Variants in STOX2 observed in about 807,000 individuals in gnomAD.
The protein encoded by STOX2 is storkhead-box protein 2.
In STOX2, 28 loss-of-function variants were observed where a neutral mutation model predicts 60.9. That is an observed-to-expected ratio of 0.46 (90% CI 0.34 to 0.63). The LOEUF is 0.63. Ranked by LOEUF, STOX2 falls within the 30% of genes least tolerant of loss-of-function variation. STOX2 has a pLI of 0.01. For synonymous variants in STOX2, 472 were observed against 463.9 expected, an observed-to-expected ratio of 1.02 and a Z score of -0.22; for missense variants, 1,024 against 1,187.7, an observed-to-expected ratio of 0.86 and a Z score of 2.03.
At chr4:183,808,171 C>G (rs1200285188) in intron 1 of STOX2, among the ~76,000 whole-genome samples, 1 of 152,246 alleles carries the variant, frequency 6.6e-6, no homozygotes, top group Admixed American at 6.5e-5. Context: ...GAGGATACAG[C>G]TCAGTGAACT....
At position 184,021,406 on chromosome 4, in the gene STOX2, GA is replaced by G. The variant is rs1443403180; in HGVS notation, c.*4126del. On this transcript the variant is annotated 3_prime_UTR_variant, in exon 4 of 4. Transcript: ENST00000308497. ...TCTGATGTGTGCTAATAAAGTCAAAGAAAACAAATACATCTTGACACTTTTG... is the reference window on the plus strand; with the variant it reads ...TCTGATGTGTGCTAATAAAGTCAAAGAAACAAATACATCTTGACACTTTTG... The G allele has an allele frequency of 6.7e-6, 1 of 150,050 alleles. No homozygotes were observed. The highest frequency in any genetic ancestry group is 2.5e-5 in the African/African-American group (1 of 40,626). 9.3% of individuals were successfully genotyped at this position (150,050 alleles called of 1,614,324 possible). A position where few individuals can be genotyped will look rare whatever the true frequency, so the allele number is the denominator to read the frequency against.
chr4:183,911,850 A>G (rs1181749966), intron 1 of STOX2, among the ~76,000 whole-genome samples: 2 of 152,228 alleles, frequency 1.3e-5, no homozygotes, highest in East Asian at 1.9e-4. Flanking sequence ...GTTTTTATAA[A>G]TCAGTGATAG....
rs1044044930 is a variant in STOX2, at chr4:183,916,173, C to T, written c.166+9217C>T. On this transcript the variant is annotated intron_variant, in intron 1 of 3. Coordinates refer to ENST00000308497, the MANE Select transcript of STOX2 (RefSeq NM_020225.3). ...TGGTGGTGTGGCATGATGGCGTTCC[C>T]GGGCCAGGGGTGGCAGCCGGCAGGT... 6.6e-5 allele frequency among the ~76,000 whole-genome samples: 10 copies of T among 152,212 alleles called. No individual in the cohort carries two copies. In the South Asian group the frequency reaches 8.3e-4, roughly 13 times the overall value.
intron 1 of STOX2, among the ~76,000 whole-genome samples, chr4:183,995,364 G>A (rs1049048015): frequency 8.5e-5 from 11 of 129,670 alleles, no homozygotes; most frequent in African/African-American, 3.3e-4. Flanking sequence ...TGGAACTTGA[G>A]TGCTTAAAGG....
chr4:183,986,715 A>G (rs2111195039), intron 1 of STOX2, among the ~76,000 whole-genome samples: 1 of 152,330 alleles, frequency 6.6e-6, no homozygotes, highest in Non-Finnish European at 1.5e-5. Context: ...CGAGGACAGA[A>G]TGGATGTCAC....
intron 1 of STOX2, among the ~76,000 whole-genome samples, chr4:183,950,880 C>T (rs1277722562): frequency 7.9e-5 from 12 of 152,106 alleles, no homozygotes; most frequent in Non-Finnish European, 1.8e-4. Flanking sequence ...GAGCAGAAAG[C>T]CCCCACAACC....
At chr4:183,965,497 CTT>C (rs1421947744) in intron 1 of STOX2, among the ~76,000 whole-genome samples, 3 of 152,066 alleles carry the variant, frequency 2.0e-5, no homozygotes, top group Non-Finnish European at 2.9e-5. Context: ...ATTGTTTGTT[CTT>C]CAACTCTGAT....
intron 1 of STOX2, among the ~76,000 whole-genome samples, chr4:183,807,869 T>C (rs1046501997): frequency 6.6e-6 from 1 of 152,190 alleles, no homozygotes; most frequent in Non-Finnish European, 1.5e-5. Flanking sequence ...CTGCCTGCTG[T>C]CCGTGAGGCT....
chr4:183,925,152 T>C (rs925027852), intron 1 of STOX2, among the ~76,000 whole-genome samples: 1 of 152,190 alleles, frequency 6.6e-6, no homozygotes, highest in Non-Finnish European at 1.5e-5. Context: ...ATGGGATGTC[T>C]CCTTTGGGGG....
intron 1 of STOX2, among the ~76,000 whole-genome samples, chr4:183,846,803 T>C (rs1380490590): frequency 6.6e-6 from 1 of 152,134 alleles, no homozygotes; most frequent in Non-Finnish European, 1.5e-5. Flanking sequence ...TTCCTGTGCG[T>C]GGGTCATACT....
intron 1 of STOX2, among the ~76,000 whole-genome samples, chr4:183,887,767 A>T (rs1263337987): frequency 6.6e-6 from 1 of 152,126 alleles, no homozygotes; most frequent in African/African-American, 2.4e-5. Flanking sequence ...TTATTTTGAG[A>T]CAGTCTTGCT....
chr4:183,835,785 T>A (rs1739694621), intron 1 of STOX2, among the ~76,000 whole-genome samples: 2 of 152,190 alleles, frequency 1.3e-5, no homozygotes, highest in Non-Finnish European at 2.9e-5. Context: ...TGGGTTGACT[T>A]GTTTCCAGTT....
chr4:184,002,024 A>G (rs1386739843), intron 2 of STOX2, among the ~76,000 whole-genome samples: 1 of 152,234 alleles, frequency 6.6e-6, no homozygotes, highest in Non-Finnish European at 1.5e-5. Context: ...TGACGCTTTC[A>G]GTGCTGGAAG....
intron 1 of STOX2, among the ~76,000 whole-genome samples, chr4:183,973,493 A>G (rs1220455422): frequency 1.3e-5 from 2 of 152,214 alleles, no homozygotes; most frequent in Non-Finnish European, 2.9e-5. Context: ...TTTTAAAATA[A>G]CCAGGGAACA....
intron 1 of STOX2, among the ~76,000 whole-genome samples, chr4:183,948,186 C>G (rs1042513120): frequency 1.6e-5 from 2 of 127,486 alleles, no homozygotes; most frequent in African/African-American, 5.9e-5. Context: ...ACATTGCACT[C>G]CAGCCTGGGC....
At chr4:184,008,186 C>A (rs1388340386) in intron 2 of STOX2, among the ~76,000 whole-genome samples, 1 of 152,214 alleles carries the variant, frequency 6.6e-6, no homozygotes, top group African/African-American at 2.4e-5. Context: ...TATTACCACC[C>A]TTTATGTGCC....
At chr4:183,819,514 G>C (rs548027909) in intron 1 of STOX2, among the ~76,000 whole-genome samples, 7,120 of 148,494 alleles carry the variant, frequency 0.048, 594 homozygotes, top group African/African-American at 0.17. Context: ...TGCTTCGGCT[G>C]GGCATCAGAG....
intron 1 of STOX2, among the ~76,000 whole-genome samples, chr4:183,809,962 A>C (rs1029598819): frequency 6.6e-6 from 1 of 152,234 alleles, no homozygotes; most frequent in African/African-American, 2.4e-5. Context: ...AGGTTTTTCT[A>C]TGGAAGACTG....
chr4:183,898,971 C>A (rs576504849), intron 1 of STOX2, among the ~76,000 whole-genome samples: 2 of 152,106 alleles, frequency 1.3e-5, no homozygotes. Flanking sequence ...AGTCTATGGG[C>A]GCCATTTTTC....
Sources: allele counts gnomAD v4.1 joint callset (sites outside exome capture counted in the v4.1 genomes callset), GRCh38; gene constraint gnomAD v4.1.1; transcripts MANE v1.5; gene names NCBI Gene and HGNC (gene_info 2026-07-23, HGNC 2026-07-21).